Variants in TAFA2 observed in about 807,000 individuals in gnomAD.
TAFA2 encodes chemokine-like protein TAFA-2.
In TAFA2, 7 loss-of-function variants were observed where a neutral mutation model predicts 18.8. The ratio of observed to expected loss-of-function variants is 0.37; its 90% CI spans 0.21 to 0.70. The LOEUF is 0.70. Among genes scored for constraint, TAFA2 ranks in the 30% least tolerant of loss-of-function variants. TAFA2 has a pLI of 0.53. For synonymous variants in TAFA2, 60 were observed against 54.2 expected (o/e 1.11, Z -0.47); for missense variants, 122 against 158.1 (o/e 0.77, Z 1.23).
chr12:61,959,268 T>C (rs1878800855), intron 1 of TAFA2, among the ~76,000 whole-genome samples: 1 of 152,076 alleles, frequency 6.6e-6, no homozygotes, highest in Non-Finnish European at 1.5e-5. Context: ...GGAAAGTTGA[T>C]ATTTTCATAA....
In TAFA2 at chr12:61,945,836, G is replaced by A. The variant is rs1253390029; in HGVS notation, c.-1-78410C>T. On this transcript the variant is annotated intron_variant, in intron 1 of 4. Transcript: ENST00000416284. ...ACAAACAAATGGAAGAACATTTCAT[G>A]CTCATGGGTAGGAAGAATCAATATC... Among the ~76,000 whole-genome samples, 303 of 149,704 alleles carry A rather than the reference G, an allele frequency of 2.0e-3. 1 individual carries two copies. The highest frequency in any genetic ancestry group is 7.1e-3 in the African/African-American group (286 of 40,504).
intron 1 of TAFA2, among the ~76,000 whole-genome samples, chr12:62,044,030 G>A (rs1881840783): frequency 6.6e-6 from 1 of 151,980 alleles, no homozygotes; most frequent in Non-Finnish European, 1.5e-5. Flanking sequence ...GCTTGCAAGT[G>A]TTCTACACAA....
intron 1 of TAFA2, among the ~76,000 whole-genome samples, chr12:62,205,184 G>C (rs1360345705): frequency 6.6e-6 from 1 of 152,228 alleles, no homozygotes; most frequent in Admixed American, 6.5e-5. Flanking sequence ...CAATAGCAAA[G>C]ATGGCTGCCT....
intron 1 of TAFA2, among the ~76,000 whole-genome samples, chr12:61,940,696 G>T (rs1332778643): frequency 1.3e-5 from 2 of 152,184 alleles, no homozygotes; most frequent in Non-Finnish European, 2.9e-5. Context: ...AGAGGTGCAG[G>T]TGAAGCTAGC....
At chr12:61,742,867 C>A (rs1446071576) in intron 4 of TAFA2, among the ~76,000 whole-genome samples, 1 of 151,994 alleles carries the variant, frequency 6.6e-6, no homozygotes. Flanking sequence ...TGCACCCACA[C>A]TACCATCACC....
chr12:62,166,195 G>A (rs954563730), intron 1 of TAFA2, among the ~76,000 whole-genome samples: 16 of 151,780 alleles, frequency 1.1e-4, no homozygotes, highest in Non-Finnish European at 1.8e-4. Context: ...TCTCTCTAAT[G>A]CAAATTTAAA....
intron 4 of TAFA2, among the ~76,000 whole-genome samples, chr12:61,730,365 G>A (rs1427119525): frequency 1.3e-5 from 2 of 152,180 alleles, no homozygotes; most frequent in South Asian, 2.1e-4. Flanking sequence ...GGAGGTGGTG[G>A]TTTCAAGAGA....
At chr12:62,041,006 C>CACTT (rs1400458406) in intron 1 of TAFA2, among the ~76,000 whole-genome samples, 1 of 152,128 alleles carries the variant, frequency 6.6e-6, no homozygotes, top group Non-Finnish European at 1.5e-5. Flanking sequence ...AATAAACAAA[C>CACTT]ACTTATATGT....
At chr12:61,901,259 C>CTTTTTTTT (rs1203233805) in intron 1 of TAFA2, among the ~76,000 whole-genome samples, 21 of 10,902 alleles carry the variant, frequency 1.9e-3, no homozygotes, top group Non-Finnish European at 2.5e-3. Context: ...TTCAATTTCA[C>CTTTTTTTT]TTTTTTTTTT....
At chr12:62,156,042 A>T (rs1400983292) in intron 1 of TAFA2, among the ~76,000 whole-genome samples, 2 of 152,198 alleles carry the variant, frequency 1.3e-5, no homozygotes, top group Non-Finnish European at 2.9e-5. Context: ...CACAATCTAT[A>T]CATCTGACAC....
intron 1 of TAFA2, among the ~76,000 whole-genome samples, chr12:62,061,190 C>T (rs348663): frequency 0.36 from 54,393 of 152,022 alleles, 9,918 homozygotes; most frequent in African/African-American, 0.4. Context: ...TACTCACTAA[C>T]TGACTCACCC....
chr12:62,097,426 G>C (rs1868999094), intron 1 of TAFA2, among the ~76,000 whole-genome samples: 1 of 152,160 alleles, frequency 6.6e-6, no homozygotes, highest in Non-Finnish European at 1.5e-5. Context: ...AAACCAATGA[G>C]AGCTTGGCAC....
At chr12:62,170,386 CCTT>C (rs1451743640) in intron 1 of TAFA2, among the ~76,000 whole-genome samples, 1 of 152,118 alleles carries the variant, frequency 6.6e-6, no homozygotes, top group Non-Finnish European at 1.5e-5. Flanking sequence ...TCAAGGTGCA[CCTT>C]CTTCTGAAAT....
chr12:62,014,676 A>G (rs1025849715), intron 1 of TAFA2, among the ~76,000 whole-genome samples: 8 of 152,102 alleles, frequency 5.3e-5, no homozygotes, highest in Non-Finnish European at 1.2e-4. Context: ...GTTGTCAGTA[A>G]TTTTCTTCTT....
At chr12:62,006,367 C>T (rs1031482874) in intron 1 of TAFA2, among the ~76,000 whole-genome samples, 2 of 149,726 alleles carry the variant, frequency 1.3e-5, no homozygotes, top group Admixed American at 1.3e-4. Flanking sequence ...CCAAAGCGCT[C>T]CTATAAATTT....
chr12:61,838,576 C>T (rs1873035192), intron 2 of TAFA2, among the ~76,000 whole-genome samples: 1 of 151,926 alleles, frequency 6.6e-6, no homozygotes, highest in African/African-American at 2.4e-5. Context: ...GCCTTTTGCG[C>T]ATGTACAGGA....
chr12:61,885,786 G>A (rs574490319), intron 1 of TAFA2, among the ~76,000 whole-genome samples: 113 of 152,228 alleles, frequency 7.4e-4, no homozygotes, highest in South Asian at 4.1e-3. Flanking sequence ...CTCCATTCAC[G>A]CCAGTGACGT....
chr12:62,010,684 C>T (rs185514500), intron 1 of TAFA2, among the ~76,000 whole-genome samples: 382 of 150,810 alleles, frequency 2.5e-3, no homozygotes, highest in Non-Finnish European at 4.7e-3. Context: ...CGCCTCTGCC[C>T]AGCTGCCCCG....
intron 1 of TAFA2, among the ~76,000 whole-genome samples, chr12:61,945,630 A>G (rs199969480): frequency 0.065 from 7,953 of 121,966 alleles, 396 homozygotes; most frequent in South Asian, 0.24. Flanking sequence ...AAATCAATGT[A>G]CAAAAATCAC....
Sources: allele counts gnomAD v4.1 joint callset (sites outside exome capture counted in the v4.1 genomes callset), GRCh38; gene constraint gnomAD v4.1.1; transcripts MANE v1.5; gene names NCBI Gene and HGNC (gene_info 2026-07-23, HGNC 2026-07-21).